Variants in PITPNC1 observed in about 807,000 individuals in gnomAD.
PITPNC1 encodes phosphatidylinositol transfer protein cytoplasmic 1, also known as cytoplasmic phosphatidylinositol transfer protein 1.
A neutral mutation model predicts 44.7 loss-of-function variants in PITPNC1; 18 were observed. The observed-to-expected ratio is 0.40, with a 90% CI of 0.28 to 0.60. The LOEUF (loss-of-function observed/expected upper bound fraction) is 0.60, where lower values mean the gene tolerates loss of function less well. PITPNC1 is among the 20% of genes least tolerant of loss of function. The probability of loss-of-function intolerance (pLI) is 0.39; values close to 1 mark genes in which losing one functional copy is unlikely to be tolerated. For synonymous variants in PITPNC1, 141 were observed against 149.6 expected (o/e 0.94, Z 0.42); for missense variants, 290 against 418.4 (o/e 0.69, Z 2.68).
chr17:67,453,940 G>A (rs2039219862), intron 1 of PITPNC1, among the ~76,000 whole-genome samples: 1 of 152,044 alleles, frequency 6.6e-6, no homozygotes, highest in Non-Finnish European at 1.5e-5. Flanking sequence ...TTTTCACATG[G>A]GGGAAGCACA....
intron 1 of PITPNC1, among the ~76,000 whole-genome samples, chr17:67,441,282 C>CA (rs942713839): frequency 6.7e-6 from 1 of 149,468 alleles, no homozygotes; most frequent in Admixed American, 6.6e-5. Context: ...ATTAAGCCCC[C>CA]CCCCGCCACC....
intron 5 of PITPNC1, among the ~76,000 whole-genome samples, chr17:67,631,657 A>AAATATAT (rs1555574522): frequency 1.3e-3 from 10 of 7,676 alleles, no homozygotes; most frequent in African/African-American, 3.3e-3. Flanking sequence ...AAAAAAAAAA[A>AAATATAT]ATATATATAT....
At chr17:67,657,160 T>TTTTTTGTTTTG (rs1555578036) in intron 6 of PITPNC1, among the ~76,000 whole-genome samples, 11 of 150,722 alleles carry the variant, frequency 7.3e-5, no homozygotes, top group African/African-American at 2.7e-4. Flanking sequence ...ACCCCCGTTT[T>TTTTTTGTTTTG]TTTTGTTTTG....
intron 1 of PITPNC1, among the ~76,000 whole-genome samples, chr17:67,467,201 A>G (rs988344857): frequency 6.6e-6 from 1 of 151,286 alleles, no homozygotes. Flanking sequence ...GTGCACCACC[A>G]TTCTTGGCTA....
At chr17:67,685,096 T>C (rs768209335) in intron 8 of PITPNC1, among the ~76,000 whole-genome samples, 1 of 152,280 alleles carries the variant, frequency 6.6e-6, no homozygotes. Context: ...ATTTCAGATA[T>C]ATTTGTGTTT....
intron 1 of PITPNC1, among the ~76,000 whole-genome samples, chr17:67,452,755 T>C (rs1288952526): frequency 6.6e-6 from 1 of 152,136 alleles, no homozygotes; most frequent in Non-Finnish European, 1.5e-5. Context: ...CAAAGTGTTG[T>C]GATTACAGGC....
chr17:67,611,914 A>G (rs1221357227), intron 5 of PITPNC1: 1 of 152,218 alleles, frequency 6.6e-6, no homozygotes, highest in African/African-American at 2.4e-5. Flanking sequence ...TGACCTCCTA[A>G]TTTAACGAAA....
intron 1 of PITPNC1, among the ~76,000 whole-genome samples, chr17:67,402,235 C>T (rs549769978): frequency 2.6e-5 from 4 of 152,270 alleles, no homozygotes; most frequent in Admixed American, 6.5e-5. Flanking sequence ...TCACATGCCA[C>T]GAAATATTAT....
intron 5 of PITPNC1, among the ~76,000 whole-genome samples, chr17:67,591,997 G>C (rs948663732): frequency 6.6e-6 from 1 of 151,662 alleles, no homozygotes; most frequent in Non-Finnish European, 1.5e-5. Context: ...ATAGGAGTGA[G>C]TCACCACACC....
intron 5 of PITPNC1, among the ~76,000 whole-genome samples, chr17:67,582,308 C>T (rs1160217181): frequency 6.6e-6 from 1 of 152,102 alleles, no homozygotes; most frequent in Non-Finnish European, 1.5e-5. Flanking sequence ...TCTTGTCTCA[C>T]CGCGTTTCCA....
At chr17:67,659,589 C>A (rs150668789) in intron 6 of PITPNC1, among the ~76,000 whole-genome samples, 5 of 152,116 alleles carry the variant, frequency 3.3e-5, no homozygotes, top group Non-Finnish European at 5.9e-5. Context: ...AATAACAGAC[C>A]AGTCTAGATT....
At chr17:67,465,989 C>CTTTATTTA (rs35282153) in intron 1 of PITPNC1, among the ~76,000 whole-genome samples, 19 of 148,742 alleles carry the variant, frequency 1.3e-4, no homozygotes, top group African/African-American at 3.8e-4. Flanking sequence ...CAAGGTCGGC[C>CTTTATTTA]TTTATTTATT....
chr17:67,486,669 T>G (rs1179616532), intron 1 of PITPNC1, among the ~76,000 whole-genome samples: 1 of 152,146 alleles, frequency 6.6e-6, no homozygotes, highest in Non-Finnish European at 1.5e-5. Flanking sequence ...AGGTGACGTT[T>G]TGAATCTGTA....
chr17:67,608,521 A>C (rs2041643677), intron 5 of PITPNC1, among the ~76,000 whole-genome samples: 3 of 139,180 alleles, frequency 2.2e-5, no homozygotes, highest in Admixed American at 7.5e-5. Flanking sequence ...ACAGAGTTTC[A>C]CTCCTGTTGC....
chr17:67,655,437 G>A (rs1162234897), intron 6 of PITPNC1, among the ~76,000 whole-genome samples: 2 of 151,892 alleles, frequency 1.3e-5, no homozygotes, highest in African/African-American at 4.8e-5. Flanking sequence ...GCAGGCGCCT[G>A]TGGTCCCAGC....
At chr17:67,498,503 C>T (rs1808465359) in intron 1 of PITPNC1, among the ~76,000 whole-genome samples, 1 of 152,162 alleles carries the variant, frequency 6.6e-6, no homozygotes, top group African/African-American at 2.4e-5. Context: ...CTGCAATGAA[C>T]TTGGGTGTGC....
In PITPNC1 at chr17:67,694,049, G is replaced by A. The variant is rs912164077; in HGVS notation, c.*1161G>A. The A allele has an allele frequency of 2.6e-5, 4 of 152,270 alleles. No individual in the cohort carries two copies. Among genetic ancestry groups the A allele is most frequent in the Admixed American group, 1.3e-4 (2 of 15,286 alleles). The allele number at this position is 152,270 out of a possible 1,614,324, so 9.4% of individuals were successfully genotyped here. A position where few individuals can be genotyped will look rare whatever the true frequency, so the allele number is the denominator to read the frequency against. On this transcript the variant is annotated 3_prime_UTR_variant, in exon 9 of 9. Transcript: ENST00000581322. ...AGAATTGCTGACTCCTATTTGTAGA[G>A]TGAAAAGGAGGAGTGATAATAGATG...
At chr17:67,415,913 A>T (rs1480368030) in intron 1 of PITPNC1, among the ~76,000 whole-genome samples, 3 of 150,338 alleles carry the variant, frequency 2.0e-5, no homozygotes, top group Non-Finnish European at 3.0e-5. Flanking sequence ...GCTTACCTAA[A>T]AAAAAAAAAA....
At chr17:67,538,066 A>G (rs1378735138) in intron 2 of PITPNC1, among the ~76,000 whole-genome samples, 1 of 152,126 alleles carries the variant, frequency 6.6e-6, no homozygotes, top group Non-Finnish European at 1.5e-5. Context: ...ACTAGATATC[A>G]TTATAAAGCT....
Sources: gnomAD v4.1 joint callset for allele counts (sites outside exome capture counted in the v4.1 genomes callset) on GRCh38, gnomAD v4.1.1 for gene constraint, MANE v1.5 for transcripts, NCBI Gene and HGNC (gene_info 2026-07-23, HGNC 2026-07-21) for gene names.